HACL1: variants seen among roughly 807,000 people sequenced by gnomAD.
The protein encoded by HACL1 is 2-hydroxyacyl-CoA lyase 1, also known as 1600020H07Rik.
In HACL1, 64 loss-of-function variants were observed where a neutral mutation model predicts 74.2. The ratio of observed to expected loss-of-function variants is 0.86; its 90% CI spans 0.70 to 1.06. HACL1 has a LOEUF of 1.06. Among genes scored for constraint, HACL1 ranks in the 50% least tolerant of loss-of-function variants. The probability of loss-of-function intolerance (pLI) is 0.00; values close to 1 mark genes in which losing one functional copy is unlikely to be tolerated. For missense variants in HACL1, 728 were observed against 719.7 expected (o/e 1.01, Z -0.13); for synonymous variants, 230 against 238.8 (o/e 0.96, Z 0.34).
At chr3:15,588,808 T>TTTTTTTTTTTTTTTTTTTGAGACG (rs2063840313) in intron 5 of HACL1, among the ~76,000 whole-genome samples, 1 of 152,116 alleles carries the variant, frequency 6.6e-6, no homozygotes, top group Non-Finnish European at 1.5e-5. Context: ...CTTTTAATTT[T>TTTTTTTTTTTTTTTTTTTGAGACG]GACATGCTTT....
At chr3:15,566,531 C>T (rs1163166149) in intron 14 of HACL1, among the ~76,000 whole-genome samples, 1 of 152,120 alleles carries the variant, frequency 6.6e-6, no homozygotes, top group Admixed American at 6.5e-5. Flanking sequence ...TGGTGCATGC[C>T]TGTGATCCCA....
chr3:15,581,961 T>C (rs1253744237), intron 8 of HACL1, among the ~76,000 whole-genome samples: 6 of 152,250 alleles, frequency 3.9e-5, no homozygotes, highest in African/African-American at 1.4e-4. Context: ...AATATCCCTA[T>C]TTTACAAGTG....
chr3:15,571,564 T>G, intron 12 of HACL1, 104 bp downstream of exon 12: 1 of 739,178 alleles, frequency 1.4e-6, no homozygotes, highest in Non-Finnish European at 2.4e-6. Flanking sequence ...CTGCACAATT[T>G]TGCACATCAA....
At chr3:15,601,343 C>G (rs373579975) in intron 1 of HACL1, 40 bp downstream of exon 1, 3 of 1,612,588 alleles carry the variant, frequency 1.9e-6, no homozygotes, top group Admixed American at 1.7e-5. Flanking sequence ...TCCCCGCCAG[C>G]TTCCGTAGGA....
intron 9 of HACL1, among the ~76,000 whole-genome samples, chr3:15,578,871 C>T (rs1304455002): frequency 6.6e-6 from 1 of 152,028 alleles, no homozygotes. Context: ...GCAGCAAGAG[C>T]CAGGAAAAGG....
chr3:15,588,299 G>A (rs537087624), intron 5 of HACL1, among the ~76,000 whole-genome samples: 18 of 152,216 alleles, frequency 1.2e-4, no homozygotes, highest in Non-Finnish European at 2.9e-5. Context: ...TTTTTCTAAA[G>A]ACACGGTATC....
At chr3:15,572,033 T>G (rs939735327) in intron 11 of HACL1, among the ~76,000 whole-genome samples, 7 of 151,848 alleles carry the variant, frequency 4.6e-5, no homozygotes, top group Non-Finnish European at 5.9e-5. Flanking sequence ...AGAGACGAAG[T>G]TTCACCATGT....
chr3:15,595,604 C>CT (rs764183329), intron 3 of HACL1, among the ~76,000 whole-genome samples: 3,406 of 97,274 alleles, frequency 0.035, 27 homozygotes, highest in Non-Finnish European at 0.052. Flanking sequence ...ATCTTTTTTC[C>CT]TTTTTTTTTT....
chr3:15,578,118 A>AC (rs1379924974), intron 9 of HACL1, among the ~76,000 whole-genome samples: 1 of 148,194 alleles, frequency 6.7e-6, no homozygotes, highest in Non-Finnish European at 1.5e-5. Context: ...AAAAAAAAAA[A>AC]CCAAAAACCC....
intron 16 of HACL1, among the ~76,000 whole-genome samples, chr3:15,562,621 T>C (rs2063362162): frequency 1.3e-5 from 2 of 152,126 alleles, no homozygotes; most frequent in Admixed American, 6.5e-5. Flanking sequence ...CACAAACTGT[T>C]CGCACGGAAG....
rs751930016 is a variant in HACL1 at position 15,596,404 on chromosome 3, C to T, written c.207G>A (p.Ala69=). 13 of 1,597,906 alleles carry T rather than the reference C, an allele frequency of 8.1e-6. No individual in the cohort carries two copies. Among genetic ancestry groups the T allele is most frequent in the South Asian group, 4.4e-5 (4 of 90,702 alleles). The change falls in exon 3 of 17, where the codon GCG becomes GCA. Residue 69 remains alanine (A), a synonymous_variant. Coordinates refer to ENST00000321169, the MANE Select transcript of HACL1 (RefSeq NM_012260.4). The stretch of plus-strand genomic sequence containing the variant: ...TTTACCTGCTTGTCAGATATCCAAT[C>T]GCGGAGGCAGCATAACAAGCCTACG... ...NEQAACYAAS[A]IGYLTSRPGV... is the part of the protein sequence containing the mutation.
At chr3:15,587,297 T>C (rs2063812841) in intron 5 of HACL1, among the ~76,000 whole-genome samples, 1 of 147,704 alleles carries the variant, frequency 6.8e-6, no homozygotes, top group Non-Finnish European at 1.5e-5. Flanking sequence ...TTCTCTTCTG[T>C]TTTTAAATTT....
Position 15,585,287 on chromosome 3 carries a change from G to A in HACL1, c.515C>T (p.Ala172Val). 1 of 1,602,376 alleles carries A rather than the reference G, an allele frequency of 6.2e-7. No individual in the cohort carries two copies. The highest frequency in any genetic ancestry group is 1.3e-5 in the African/African-American group (1 of 74,816). ...RPGACYVDIP[A>V]DFVNLQVNVN... ...ATTCACCTGAAGGTTCACAAAATCTGCTGGTATGTCAACATAGCAAGCACC... is the reference window on the plus strand; with the variant it reads ...ATTCACCTGAAGGTTCACAAAATCTACTGGTATGTCAACATAGCAAGCACC... The change falls in exon 7 of 17, where the codon GCA becomes GTA. Residue 172 changes from alanine (A) to valine (V), a missense_variant. Coordinates refer to ENST00000321169, the MANE Select transcript of HACL1 (RefSeq NM_012260.4).
intron 16 of HACL1, 118 bp from the exon 17 acceptor site, chr3:15,561,015 T>C: frequency 1.3e-6 from 1 of 786,484 alleles, no homozygotes; most frequent in Non-Finnish European, 2.2e-6. Flanking sequence ...AAAATGAGGT[T>C]TGTCTTTGTT....
intron 11 of HACL1, 60 bp from the exon 12 acceptor site, chr3:15,571,829 C>CTT (rs869072841): frequency 0.013 from 2,853 of 225,208 alleles, 134 homozygotes; most frequent in African/African-American, 0.044. Flanking sequence ...CCTTTTTTTT[C>CTT]TTTTTTTTTT....
chr3:15,591,813 T>C (rs2063901539), intron 3 of HACL1, 133 bp from the exon 4 acceptor site: 2 of 563,522 alleles, frequency 3.5e-6, no homozygotes, highest in Middle Eastern at 3.3e-4. Context: ...GATAAAACAA[T>C]TATTAGAATA....
At chr3:15,592,102 C>CAT (rs1559560857) in intron 3 of HACL1, among the ~76,000 whole-genome samples, 3 of 140,436 alleles carry the variant, frequency 2.1e-5, no homozygotes, top group Non-Finnish European at 4.5e-5. Flanking sequence ...ACACTATATA[C>CAT]GTATATATAC....
rs2063877810 is a variant in HACL1 at position 15,590,800 on chromosome 3, G to A, written c.308+800C>T. Among the ~76,000 whole-genome samples, 5 of 152,208 alleles carry A rather than the reference G, an allele frequency of 3.3e-5. No individual in the cohort carries two copies. In the South Asian group the frequency reaches 1.0e-3, roughly 32 times the overall value. The stretch of plus-strand genomic sequence containing the variant: ...TAAAATGTTAAAAGTGTTTATGGCA[G>A]CTGGGTGCGGTGGCTCATGCCTGTA... On this transcript the variant is annotated intron_variant, in intron 4 of 16. Transcript: ENST00000321169.
intron 7 of HACL1, among the ~76,000 whole-genome samples, chr3:15,584,163 T>C (rs796537915): frequency 8.5e-5 from 13 of 152,214 alleles, no homozygotes; most frequent in African/African-American, 3.1e-4. Context: ...ACAATCTGTA[T>C]AAAATTTAGA....
Sources: gnomAD v4.1 joint callset for allele counts (sites outside exome capture counted in the v4.1 genomes callset) on GRCh38, gnomAD v4.1.1 for gene constraint, MANE v1.5 for transcripts, NCBI Gene and HGNC (gene_info 2026-07-23, HGNC 2026-07-21) for gene names.